The following SUFU variants were observed in gnomAD, a reference collection of about 807,000 sequenced individuals.
SUFU encodes SUFU negative regulator of hedgehog signaling.
A neutral mutation model predicts 58.9 loss-of-function variants in SUFU; 7 were observed. That is an observed-to-expected ratio of 0.12 (90% CI 0.07 to 0.22). The LOEUF is 0.22. Among genes scored for constraint, SUFU ranks in the 10% least tolerant of loss-of-function variants. SUFU has a pLI of 1.00. For missense variants in SUFU, 451 were observed against 641.3 expected, an observed-to-expected ratio of 0.70 and a Z score of 3.20; for synonymous variants, 232 against 254.8, an observed-to-expected ratio of 0.91 and a Z score of 0.85.
At chr10:102,607,216 T>A (rs2063570119) in intron 8 of SUFU, among the ~76,000 whole-genome samples, 1 of 152,072 alleles carries the variant, frequency 6.6e-6, no homozygotes, top group South Asian at 2.1e-4. Flanking sequence ...GCCTGGCTAA[T>A]TTTTTGTACT....
Position 102,630,546 on chromosome 10 carries a change from A to G in SUFU, c.*391A>G, listed in dbSNP as rs2298278. 59,935 of 400,716 alleles carry G rather than the reference A, an allele frequency of 0.15. 6,502 individuals carry two copies. Among genetic ancestry groups the G allele is most frequent in the East Asian group, 0.44 (10,782 of 24,400 alleles). The allele number at this position is 400,716 out of a possible 1,614,324, so 24.8% of individuals were successfully genotyped here. On this transcript the variant is annotated 3_prime_UTR_variant, in exon 12 of 12. Transcript: ENST00000369902. ...CAGCAGGAGGGAGGCGGACAGCCAG[A>G]TGCAGAGCGAGTGGATGCACTTCCC...
intron 3 of SUFU, among the ~76,000 whole-genome samples, chr10:102,553,677 A>C (rs112466860): frequency 0.013 from 1,937 of 152,184 alleles, 28 homozygotes; most frequent in Non-Finnish European, 0.018. Flanking sequence ...GTTAGCTAGA[A>C]TGGTCTCCAT....
chr10:102,618,767 C>G, intron 10 of SUFU: 1 of 483,784 alleles, frequency 2.1e-6, no homozygotes, highest in South Asian at 4.0e-5. Flanking sequence ...AAAGGGCCTC[C>G]CTCCATTCCC....
At chr10:102,583,916 G>A (rs1257441256) in intron 3 of SUFU, among the ~76,000 whole-genome samples, 1 of 152,122 alleles carries the variant, frequency 6.6e-6, no homozygotes, top group Admixed American at 6.5e-5. Context: ...TGTTTCTACA[G>A]ACTAGACATC....
chr10:102,552,597 A>G lies in SUFU; in HGVS notation c.454+2491A>G, dbSNP rs369110711. The stretch of plus-strand genomic sequence containing the variant: ...AAAAAAGGGTCATTTTTTAAGGACA[A>G]TTGGAAAAATGTGAATTTACACTGT... On this transcript the variant is annotated intron_variant, in intron 3 of 11. Transcript: ENST00000369902. Among the ~76,000 whole-genome samples, 18 of 152,364 alleles carry G rather than the reference A, an allele frequency of 1.2e-4. No individual in the cohort carries two copies. The East Asian group carries it at 3.1e-3, about 26-fold the overall frequency.
rs548969127 is a variant in SUFU at position 102,566,633 on chromosome 10, C to T, written c.454+16527C>T. Among the ~76,000 whole-genome samples, 62 of 152,054 alleles carry T rather than the reference C, an allele frequency of 4.1e-4. 1 individual carries two copies. The highest frequency in any genetic ancestry group is 2.4e-4 in the Non-Finnish European group (16 of 67,980). On this transcript the variant is annotated intron_variant, in intron 3 of 11. Coordinates refer to ENST00000369902, the MANE Select transcript of SUFU (RefSeq NM_016169.4). ...ACAAAAAATAAACCAGGCGTGGTGG[C>T]GGGCGCCTGTAATCCCAGCTACTTG...
chr10:102,521,707 T>C (rs2062554097), intron 2 of SUFU, among the ~76,000 whole-genome samples: 1 of 152,198 alleles, frequency 6.6e-6, no homozygotes, highest in Non-Finnish European at 1.5e-5. Flanking sequence ...ACCATGCTCC[T>C]TTGAAGCCCC....
rs746580970 is a variant in SUFU at position 102,615,349 on chromosome 10, C to G, written c.1104C>G (p.Ser368Arg). The G allele has an allele frequency of 3.1e-6, 5 of 1,614,128 alleles. No homozygotes were observed. The highest frequency in any genetic ancestry group is 4.2e-6 in the Non-Finnish European group (5 of 1,179,996). The change falls in exon 9 of 12, where the codon AGC (serine) becomes AGG (arginine). Residue 368 changes from serine (S) to arginine (R), a missense_variant. Ser to Arg is a moderately radical substitution (Grantham distance 110). Transcript: ENST00000369902. Reference sequence around the variant, plus strand: ...TGATTCGCACGCGGCAGCTTGAGAGCGTACATCTGAAATTCAACCAGGAGT... The same window carrying G: ...TGATTCGCACGCGGCAGCTTGAGAGGGTACATCTGAAATTCAACCAGGAGT... ...HELIRTRQLE[S>R]VHLKFNQESG... is the part of the protein sequence containing the mutation.
intron 2 of SUFU, among the ~76,000 whole-genome samples, chr10:102,546,411 C>T (rs1417522938): frequency 4.6e-5 from 7 of 152,204 alleles, no homozygotes; most frequent in Non-Finnish European, 1.0e-4. Flanking sequence ...CAGTTACCAC[C>T]AGCCAGTATT....
intron 8 of SUFU, among the ~76,000 whole-genome samples, chr10:102,605,875 C>G (rs1046164806): frequency 2.0e-5 from 3 of 152,194 alleles, no homozygotes; most frequent in Non-Finnish European, 4.4e-5. Context: ...TGCCCTGGTT[C>G]CTGTTCCTGG....
chr10:102,594,763 G>A (rs2063444209), intron 6 of SUFU, among the ~76,000 whole-genome samples: 1 of 152,146 alleles, frequency 6.6e-6, no homozygotes, highest in East Asian at 1.9e-4. Flanking sequence ...TTCTCACCCA[G>A]CCTGGAGTGC....
At chr10:102,583,924 A>G (rs1288430441) in intron 3 of SUFU, among the ~76,000 whole-genome samples, 1 of 152,114 alleles carries the variant, frequency 6.6e-6, no homozygotes, top group Admixed American at 6.5e-5. Flanking sequence ...CAGACTAGAC[A>G]TCAGATAGGG....
chr10:102,514,279 A>T (rs1366070793), intron 2 of SUFU, among the ~76,000 whole-genome samples: 2 of 152,100 alleles, frequency 1.3e-5, no homozygotes, highest in Non-Finnish European at 2.9e-5. Flanking sequence ...GGCAGAAGCG[A>T]GGGGTCCTCT....
intron 8 of SUFU, among the ~76,000 whole-genome samples, chr10:102,603,135 G>C (rs2063529780): frequency 6.6e-6 from 1 of 152,152 alleles, no homozygotes; most frequent in Non-Finnish European, 1.5e-5. Context: ...GTGTGGTCAG[G>C]TGAATTGTGT....
intron 3 of SUFU, chr10:102,590,903 TC>T (rs2063393005): frequency 6.6e-6 from 1 of 152,194 alleles, no homozygotes; most frequent in Admixed American, 6.5e-5. Flanking sequence ...TTTAGGGGTT[TC>T]TAGTTGGCTC....
intron 1 of SUFU, among the ~76,000 whole-genome samples, chr10:102,506,754 A>G (rs750009408): frequency 5.3e-5 from 8 of 152,130 alleles, no homozygotes; most frequent in Non-Finnish European, 1.2e-4. Context: ...TATTCCTCAC[A>G]TTTGGGATCC....
intron 8 of SUFU, among the ~76,000 whole-genome samples, chr10:102,613,836 C>T (rs923672639): frequency 2.6e-5 from 4 of 152,160 alleles, no homozygotes; most frequent in Non-Finnish European, 4.4e-5. Context: ...AGCCGTGGGC[C>T]GCACTTTTGG....
At chr10:102,586,526 A>G (rs1198815734) in intron 3 of SUFU, among the ~76,000 whole-genome samples, 1 of 152,044 alleles carries the variant, frequency 6.6e-6, no homozygotes, top group East Asian at 2.0e-4. Context: ...ACTAAAAATT[A>G]GCCGGGCATG....
At chr10:102,593,310 A>G (rs989528884) in intron 4 of SUFU, among the ~76,000 whole-genome samples, 3 of 152,110 alleles carry the variant, frequency 2.0e-5, no homozygotes, top group African/African-American at 7.2e-5. Flanking sequence ...AACCTCCCCT[A>G]CTTCCAGAGA....
Sources: allele counts gnomAD v4.1 joint callset (sites outside exome capture counted in the v4.1 genomes callset), GRCh38; gene constraint gnomAD v4.1.1; transcripts MANE v1.5; gene names NCBI Gene and HGNC (gene_info 2026-07-23, HGNC 2026-07-21).